Variants in DFFA observed in about 807,000 individuals in gnomAD.
DFFA encodes DNA fragmentation factor subunit alpha.
Under a neutral mutation model 28.0 loss-of-function variants are expected in DFFA, and 14 were observed. The ratio of observed to expected loss-of-function variants is 0.50; its 90% confidence interval spans 0.33 to 0.78. The LOEUF (loss-of-function observed/expected upper bound fraction) is 0.78. Ranked by LOEUF, DFFA falls within the 30% of genes least tolerant of loss-of-function variation. DFFA has a pLI of 0.02. For synonymous variants in DFFA, 158 were observed against 170.3 expected, an observed-to-expected ratio of 0.93 and a Z score of 0.56; for missense variants, 395 against 407.1, an observed-to-expected ratio of 0.97 and a Z score of 0.26.
chr1:10,463,290 G>A, intron 4 of DFFA, 81 bp from the exon 5 acceptor site: 1 of 1,575,240 alleles, frequency 6.3e-7, no homozygotes, highest in Middle Eastern at 1.8e-4. Context: ...TAACTGGCCG[G>A]GCAAGAGAGA....
rs537212101 is a variant in DFFA at position 10,458,324 on chromosome 1, C to T, written c.*3166G>A. 4 of 152,130 alleles carry T rather than the reference C, an allele frequency of 2.6e-5. No homozygotes were observed. The East Asian group carries it at 5.8e-4, about 22-fold the overall frequency. The allele number at this position is 152,130 out of a possible 1,614,324, so 9.4% of individuals were successfully genotyped here. Reference sequence around the variant, plus strand: ...TGTATGAGTGTAGGTAGCTTATCAGCGGTGGCTTCTATTAAAGGATAATTA... The same window carrying T: ...TGTATGAGTGTAGGTAGCTTATCAGTGGTGGCTTCTATTAAAGGATAATTA... On this transcript the variant is annotated 3_prime_UTR_variant, in exon 6 of 6. Coordinates refer to ENST00000377038, the MANE Select transcript of DFFA (RefSeq NM_004401.3).
Position 10,461,702 on chromosome 1 carries a change from A to T in DFFA, c.784T>A (p.Leu262Met). 6.2e-7 allele frequency: 1 copy of T among 1,614,014 alleles called. No individual in the cohort carries two copies. The highest frequency in any genetic ancestry group is 8.5e-7 in the Non-Finnish European group (1 of 1,179,952). ...ELSLSSQDLE[L>M]VTKEDPKALA... is the part of the protein sequence containing the mutation. ...GCTTTGGGGTCTTCCTTGGTAACCA[A>T]CTGCAGCAAGAATAAAAACCCCTGA... The change falls in exon 6 of 6, where the codon TTG (leucine) becomes ATG (methionine). Residue 262 changes from leucine (L) to methionine (M), a missense_variant and splice_region_variant. Transcript: ENST00000377038.
intron 3 of DFFA, among the ~76,000 whole-genome samples, chr1:10,465,385 C>T (rs1641006755): frequency 6.7e-6 from 1 of 149,976 alleles, no homozygotes; most frequent in Non-Finnish European, 1.5e-5. Context: ...CCTGCCTCAG[C>T]CTCCTGAGTA....
Position 10,463,055 on chromosome 1 carries a change from C to A in DFFA, c.783+3G>T. 1 of 1,614,108 alleles carries A rather than the reference C, an allele frequency of 6.2e-7. No individual in the cohort carries two copies. The highest frequency in any genetic ancestry group is 2.2e-5 in the East Asian group (1 of 44,882). ...TAGCTCAGTGACCCTGGTTTCCGCC[C>A]ACCTCCAAATCCTGACTAGATAAGC... On this transcript the variant is annotated splice_donor_region_variant and intron_variant, in intron 5 of 5. Coordinates refer to ENST00000377038, the MANE Select transcript of DFFA (RefSeq NM_004401.3).
chr1:10,462,425 GC>G, intron 5 of DFFA: 10 of 987,660 alleles, frequency 1.0e-5, no homozygotes, highest in Non-Finnish European at 1.2e-5. Flanking sequence ...AAGCCACTGT[GC>G]CCGGACAAGC....
intron 3 of DFFA, among the ~76,000 whole-genome samples, chr1:10,464,653 T>C (rs1640998581): frequency 6.6e-6 from 1 of 152,074 alleles, no homozygotes; most frequent in Non-Finnish European, 1.5e-5. Context: ...AGGCAGATGG[T>C]GCAGTGAGCT....
intron 3 of DFFA, among the ~76,000 whole-genome samples, chr1:10,464,506 G>T (rs911073642): frequency 2.0e-5 from 3 of 152,166 alleles, no homozygotes; most frequent in Non-Finnish European, 2.9e-5. Flanking sequence ...CTTGAGCTCA[G>T]GAGTTTAAGA....
chr1:10,462,043 A>G (rs1359604487), intron 5 of DFFA, among the ~76,000 whole-genome samples: 2 of 152,118 alleles, frequency 1.3e-5, no homozygotes, highest in Non-Finnish European at 1.5e-5. Context: ...TTTTTTTAGT[A>G]GAGACGGGGT....
Position 10,472,143 on chromosome 1 carries a change from A to G in DFFA, c.136+180T>C. ...CACCGTGGAGTCTCACACGAGATTA[A>G]TTACGCTCAAGCGCCTTAAATCTGT... On this transcript the variant is annotated intron_variant, in intron 1 of 5. Transcript: ENST00000377038. The surrounding 1 kb of genome is among the most constrained non-coding windows in gnomAD (Gnocchi z 5.0). 1 of 674,454 alleles carries G rather than the reference A, an allele frequency of 1.5e-6. No individual in the cohort carries two copies. Among genetic ancestry groups the G allele is most frequent in the Middle Eastern group, 4.5e-4 (1 of 2,228 alleles). The allele number at this position is 674,454 out of a possible 1,614,324, so 41.8% of individuals were successfully genotyped here. A position where few individuals can be genotyped will look rare whatever the true frequency, so the allele number is the denominator to read the frequency against.
chr1:10,458,534 A>ATTTTTTTTTTTTTTTTTTTTTT lies in DFFA; in HGVS notation c.*2955_*2956insAAAAAAAAAAAAAAAAAAAAAA. Reference sequence around the variant, plus strand: ...CATCTTTACCCTAGGACTTATTGTGATTTTCTTTTTTTTTTTTTTTTAAAG... The same window carrying ATTTTTTTTTTTTTTTTTTTTTT: ...CATCTTTACCCTAGGACTTATTGTGATTTTTTTTTTTTTTTTTTTTTTTTTTCTTTTTTTTTTTTTTTTAAAG... On this transcript the variant is annotated 3_prime_UTR_variant, in exon 6 of 6. Coordinates refer to ENST00000377038, the MANE Select transcript of DFFA (RefSeq NM_004401.3). 1.5e-5 allele frequency: 2 copies of ATTTTTTTTTTTTTTTTTTTTTT among 134,662 alleles called. 1 individual carries two copies. The highest frequency in any genetic ancestry group is 5.6e-5 in the African/African-American group (2 of 35,456). 8.3% of individuals were successfully genotyped at this position (134,662 alleles called of 1,614,324 possible).
intron 5 of DFFA, among the ~76,000 whole-genome samples, chr1:10,462,190 CTT>C (rs906693297): frequency 6.6e-5 from 10 of 151,436 alleles, no homozygotes; most frequent in Admixed American, 2.0e-4. Context: ...GAGTTTCACT[CTT>C]GTCGCCCAGG....
chr1:10,469,449 A>G, intron 1 of DFFA, 111 bp from the exon 2 acceptor site: 1 of 847,836 alleles, frequency 1.2e-6, no homozygotes, highest in Non-Finnish European at 1.8e-6. Context: ...CCTGGTAGGT[A>G]ATAACTAGAA....
rs766329006 is a variant in DFFA at position 10,457,731 on chromosome 1, G to A, written c.*3759C>T. 7.9e-5 allele frequency: 12 copies of A among 152,060 alleles called. No individual in the cohort carries two copies. The highest frequency in any genetic ancestry group is 1.6e-4 in the Non-Finnish European group (11 of 68,022). The allele number at this position is 152,060 out of a possible 1,614,324, so 9.4% of individuals were successfully genotyped here. A position where few individuals can be genotyped will look rare whatever the true frequency, so the allele number is the denominator to read the frequency against. On this transcript the variant is annotated 3_prime_UTR_variant, in exon 6 of 6. Coordinates refer to ENST00000377038, the MANE Select transcript of DFFA (RefSeq NM_004401.3). ...TACTTCATTTAACCCTTTCAAGCTTGGAGCCTTAGACTAACTGAGAGGTTA... is the reference window on the plus strand; with the variant it reads ...TACTTCATTTAACCCTTTCAAGCTTAGAGCCTTAGACTAACTGAGAGGTTA...
Position 10,463,457 on chromosome 1 carries a change from T to G in DFFA, c.605A>C (p.Glu202Ala), listed in dbSNP as rs1331345437. The change falls in exon 4 of 6, where the codon GAG (glutamate) becomes GCG (alanine). Residue 202 changes from glutamate (E) to alanine (A), a missense_variant. By Grantham distance (107) the Glu-to-Ala change is moderately radical. Coordinates refer to ENST00000377038, the MANE Select transcript of DFFA (RefSeq NM_004401.3). ...TTCCTGCTTTGACAAGAGGCTGCCC[T>G]CTTTCTCCAAAGCCTGGAGGTACAG... Reference protein sequence around the residue: ...LQLYLQALEKEGSLLSKQEES... With the variant: ...LQLYLQALEKAGSLLSKQEES... 6.2e-7 allele frequency: 1 copy of G among 1,613,648 alleles called. No homozygotes were observed. The highest frequency in any genetic ancestry group is 8.5e-7 in the Non-Finnish European group (1 of 1,179,902).
At chr1:10,468,997 C>A (rs1438512251) in intron 2 of DFFA, among the ~76,000 whole-genome samples, 180 bp downstream of exon 2, 2 of 152,152 alleles carry the variant, frequency 1.3e-5, no homozygotes, top group East Asian at 3.8e-4. Flanking sequence ...CCGTGCCTGG[C>A]CTCATTCATC....
intron 1 of DFFA, among the ~76,000 whole-genome samples, chr1:10,470,878 T>C (rs1302807915): frequency 3.3e-5 from 5 of 150,144 alleles, no homozygotes; most frequent in African/African-American, 4.9e-5. Context: ...CTGGCTAACA[T>C]GGTGAAAAAC....
intron 3 of DFFA, among the ~76,000 whole-genome samples, chr1:10,466,846 G>A (rs1191167345): frequency 6.6e-6 from 1 of 151,094 alleles, no homozygotes; most frequent in Non-Finnish European, 1.5e-5. Context: ...CCAGCTACCT[G>A]GGACGCTGAG....
intron 3 of DFFA, 98 bp downstream of exon 3, chr1:10,467,092 C>T: frequency 7.5e-7 from 1 of 1,336,968 alleles, no homozygotes. Context: ...AAGATTAAAA[C>T]AAAGAAATTG....
rs1170214656 is a variant in DFFA, at chr1:10,460,579, G to C, written c.*911C>G. On this transcript the variant is annotated 3_prime_UTR_variant, in exon 6 of 6. Coordinates refer to ENST00000377038, the MANE Select transcript of DFFA (RefSeq NM_004401.3). ...GAGTGTCACTCTGTCACCCAGGCTG[G>C]AGTACAGTGGCATAATCTCGGCTCA... 1 of 150,336 alleles carries C rather than the reference G, an allele frequency of 6.7e-6. No homozygotes were observed. Among genetic ancestry groups the C allele is most frequent in the East Asian group, 2.0e-4 (1 of 5,046 alleles). 9.3% of individuals were successfully genotyped at this position (150,336 alleles called of 1,614,324 possible). A position where few individuals can be genotyped will look rare whatever the true frequency, so the allele number is the denominator to read the frequency against.
Sources: gnomAD v4.1 joint callset for allele counts (sites outside exome capture counted in the v4.1 genomes callset) on GRCh38, gnomAD v4.1.1 for gene constraint, Gnocchi (gnomAD v3.1) non-coding constraint, MANE v1.5 for transcripts, NCBI Gene and HGNC (gene_info 2026-07-23, HGNC 2026-07-21) for gene names.